DIPK2A: variants seen among roughly 807,000 people sequenced by gnomAD.
The protein encoded by DIPK2A is divergent protein kinase domain 2A, also known as Golgi Protein of 49 kDa.
Under a neutral mutation model 39.0 loss-of-function variants are expected in DIPK2A, and 27 were observed. That is an observed-to-expected ratio of 0.69 (90% CI 0.51 to 0.96). The LOEUF (loss-of-function observed/expected upper bound fraction) is 0.96, where lower values mean the gene tolerates loss of function less well. Among genes scored for constraint, DIPK2A ranks in the 40% least tolerant of loss-of-function variants. The probability of loss-of-function intolerance (pLI) is 0.00; values close to 1 mark genes in which losing one functional copy is unlikely to be tolerated. For missense variants in DIPK2A, 528 were observed against 571.3 expected (o/e 0.92, Z 0.77); for synonymous variants, 298 against 240.8 (o/e 1.24, Z -2.20).
rs1184898308 is a variant in DIPK2A, at chr3:143,972,255, C to G, written c.-78C>G. On this transcript the variant is annotated 5_prime_UTR_variant, in exon 1 of 3. Coordinates refer to ENST00000315691, the MANE Select transcript of DIPK2A (RefSeq NM_173552.5). ...TCCTTCTCTCGCCCGGGGTTCCTGC[C>G]GGTAGCTCTCCGGGTCTTGGCGCGG... is the stretch of plus-strand genomic sequence containing the variant. 1 of 1,279,872 alleles carries G rather than the reference C, an allele frequency of 7.8e-7. No individual in the cohort carries two copies. The highest frequency in any genetic ancestry group is 1.0e-6 in the Non-Finnish European group (1 of 997,674). 79.3% of individuals were successfully genotyped at this position (1,279,872 alleles called of 1,614,324 possible).
chr3:143,981,769 G>C (rs1576810000), intron 1 of DIPK2A, among the ~76,000 whole-genome samples: 1 of 152,170 alleles, frequency 6.6e-6, no homozygotes, highest in East Asian at 1.9e-4. Context: ...TGGCTTGAGG[G>C]AGGTTGTGTT....
At chr3:143,980,035 T>TA (rs1457071543) in intron 1 of DIPK2A, among the ~76,000 whole-genome samples, 1 of 152,200 alleles carries the variant, frequency 6.6e-6, no homozygotes, top group Non-Finnish European at 1.5e-5. Context: ...GCTAAGATCT[T>TA]AGAGAAATTT....
chr3:143,972,591 A>G lies in DIPK2A; in HGVS notation c.259A>G (p.Asn87Asp), dbSNP rs745409616. Residue 87 changes from asparagine to aspartate, a missense_variant, in exon 1 of 3, where the codon AAC becomes GAC. Around this residue, in one of 2 missense-constraint regions of DIPK2A, gnomAD observed 309 missense variants for 289.8 expected, o/e 1.07. Transcript: ENST00000315691. ...CCGCTTGCGCCTGCTGGACTTCCTC[A>G]ACGTGAAGAACGTGTACTTCGCGCA... Reference protein sequence around the residue: ...WGRLRLLDFLNVKNVYFAQYG... With the variant: ...WGRLRLLDFLDVKNVYFAQYG... 6.2e-7 allele frequency: 1 copy of G among 1,612,096 alleles called. No individual in the cohort carries two copies. The highest frequency in any genetic ancestry group is 8.5e-7 in the Non-Finnish European group (1 of 1,179,668).
At chr3:143,980,813 A>G (rs1213714452) in intron 1 of DIPK2A, among the ~76,000 whole-genome samples, 1 of 152,182 alleles carries the variant, frequency 6.6e-6, no homozygotes, top group Non-Finnish European at 1.5e-5. Flanking sequence ...CTCTTAAGGC[A>G]AACTGCAAAG....
At chr3:143,973,439 T>C in intron 1 of DIPK2A, 1 of 1,550,980 alleles carries the variant, frequency 6.4e-7, no homozygotes. Flanking sequence ...TTTCTGGCGC[T>C]GGTGGCTGGC....
At chr3:143,978,674 A>C (rs369201015) in intron 1 of DIPK2A, among the ~76,000 whole-genome samples, 6 of 43,242 alleles carry the variant, frequency 1.4e-4, no homozygotes, top group East Asian at 7.6e-4. Flanking sequence ...ATATAGATAT[A>C]TATATATCTA....
intron 1 of DIPK2A, among the ~76,000 whole-genome samples, chr3:143,975,422 G>T (rs573663863): frequency 4.6e-4 from 70 of 152,150 alleles, no homozygotes; most frequent in Admixed American, 1.1e-3. Context: ...AAAAGCTAGT[G>T]AATTTACAAG....
At chr3:143,980,743 C>G (rs1297329789) in intron 1 of DIPK2A, among the ~76,000 whole-genome samples, 4 of 151,470 alleles carry the variant, frequency 2.6e-5, no homozygotes, top group South Asian at 4.2e-4. Flanking sequence ...TAAGAACTTT[C>G]AAGTTTAACA....
At position 143,989,553 on chromosome 3, in the gene DIPK2A, T is replaced by C. The variant is rs1484687270; in HGVS notation, c.1005T>C (p.Asp335=). 1.2e-6 allele frequency: 2 copies of C among 1,614,170 alleles called. No homozygotes were observed. The highest frequency in any genetic ancestry group is 1.7e-6 in the Non-Finnish European group (2 of 1,179,980). Residue 335 remains aspartate (D), a synonymous_variant, in exon 3 of 3, where the codon GAT becomes GAC. Coordinates refer to ENST00000315691, the MANE Select transcript of DIPK2A (RefSeq NM_173552.5). Reference sequence around the variant, plus strand: ...ATGTATGGTATGAAAGCAAGTTTGATGACTGTGATAAGGAGGCTTGCTTAT... The same window carrying C: ...ATGTATGGTATGAAAGCAAGTTTGACGACTGTGATAAGGAGGCTTGCTTAT... The part of the protein sequence containing the change: ...NWDVWYESKF[D]DCDKEACLSF...
In DIPK2A at chr3:143,972,253, G is replaced by C; in HGVS notation, c.-80G>C. The C allele has an allele frequency of 7.8e-7, 1 of 1,276,268 alleles. No individual in the cohort carries two copies. 79.1% of individuals were successfully genotyped at this position (1,276,268 alleles called of 1,614,324 possible). A position where few individuals can be genotyped will look rare whatever the true frequency, so the allele number is the denominator to read the frequency against. ...GCTCCTTCTCTCGCCCGGGGTTCCT[G>C]CCGGTAGCTCTCCGGGTCTTGGCGC... On this transcript the variant is annotated 5_prime_UTR_variant, in exon 1 of 3. Transcript: ENST00000315691.
At chr3:143,981,543 A>C (rs562271160) in intron 1 of DIPK2A, among the ~76,000 whole-genome samples, 4 of 152,296 alleles carry the variant, frequency 2.6e-5, no homozygotes, top group Admixed American at 2.0e-4. Context: ...GAGATCACTT[A>C]GGTTAAATAA....
intron 1 of DIPK2A, among the ~76,000 whole-genome samples, chr3:143,982,910 C>A (rs10154892): frequency 0.083 from 12,605 of 151,322 alleles, 715 homozygotes; most frequent in East Asian, 0.24. Context: ...AAAAAAAACA[C>A]AAAAAAAACA....
Position 143,972,248 on chromosome 3 carries a change from T to C in DIPK2A, c.-85T>C. On this transcript the variant is annotated 5_prime_UTR_variant, in exon 1 of 3. Coordinates refer to ENST00000315691, the MANE Select transcript of DIPK2A (RefSeq NM_173552.5). Reference sequence around the variant, plus strand: ...CGCTAGCTCCTTCTCTCGCCCGGGGTTCCTGCCGGTAGCTCTCCGGGTCTT... The same window carrying C: ...CGCTAGCTCCTTCTCTCGCCCGGGGCTCCTGCCGGTAGCTCTCCGGGTCTT... 8.0e-7 allele frequency: 1 copy of C among 1,243,444 alleles called. No individual in the cohort carries two copies. Among genetic ancestry groups the C allele is most frequent in the Non-Finnish European group, 1.0e-6 (1 of 965,486 alleles). 77.0% of individuals were successfully genotyped at this position (1,243,444 alleles called of 1,614,324 possible). A position where few individuals can be genotyped will look rare whatever the true frequency, so the allele number is the denominator to read the frequency against.
chr3:143,980,106 C>T (rs1004854012), intron 1 of DIPK2A, among the ~76,000 whole-genome samples: 1 of 152,230 alleles, frequency 6.6e-6, no homozygotes, highest in Non-Finnish European at 1.5e-5. Flanking sequence ...CCCCTCCAGA[C>T]AGTTCACCAA....
At chr3:143,978,590 CTATCTATCTATCTATATATA>C (rs1450877704) in intron 1 of DIPK2A, 27 of 67,550 alleles carry the variant, frequency 4.0e-4, no homozygotes, top group African/African-American at 4.0e-3. Flanking sequence ...GTATCTATAT[CTATCTATCTATCTATATATA>C]TATATCTATA....
chr3:143,972,813 G>C lies in DIPK2A; in HGVS notation c.481G>C (p.Val161Leu), dbSNP rs1020683897. Reference protein sequence around the residue: ...GDVRLLTPEAVEGWSDLVHCP... With the variant: ...GDVRLLTPEALEGWSDLVHCP... ...CGTGCGTCTGCTCACGCCCGAGGCG[G>C]TGGAGGGCTGGTCGGACCTGGTGCA... Residue 161 changes from valine (V) to leucine (L), a missense_variant, in exon 1 of 3, where the codon GTG (valine) becomes CTG (leucine). By Grantham distance (32) the Val-to-Leu change is conservative. Coordinates refer to ENST00000315691, the MANE Select transcript of DIPK2A (RefSeq NM_173552.5). The C allele has an allele frequency of 6.4e-7, 1 of 1,564,586 alleles. No individual in the cohort carries two copies. Among genetic ancestry groups the C allele is most frequent in the African/African-American group, 1.3e-5 (1 of 74,316 alleles).
At chr3:143,981,568 A>G (rs1009788129) in intron 1 of DIPK2A, among the ~76,000 whole-genome samples, 1 of 152,152 alleles carries the variant, frequency 6.6e-6, no homozygotes, top group Non-Finnish European at 1.5e-5. Context: ...TCTTAACATT[A>G]TTTTTCCAGC....
At chr3:143,973,099 C>A (rs1230911526) in intron 1 of DIPK2A, 110 bp downstream of exon 1, 24 of 1,390,168 alleles carry the variant, frequency 1.7e-5, no homozygotes, top group Non-Finnish European at 1.9e-5. Context: ...CTCGGCCGGG[C>A]TGGGCCAGGC....
rs995576682 is a variant in DIPK2A at position 143,990,537 on chromosome 3, G to C, written c.*696G>C. 6.6e-6 allele frequency: 1 copy of C among 150,956 alleles called. No individual in the cohort carries two copies. The highest frequency in any genetic ancestry group is 1.5e-5 in the Non-Finnish European group (1 of 67,818). The allele number at this position is 150,956 out of a possible 1,614,324, so 9.4% of individuals were successfully genotyped here. On this transcript the variant is annotated 3_prime_UTR_variant, in exon 3 of 3. Transcript: ENST00000315691. ...TGGTGTCATTTCAGGTTATTTAACAGTTATATCCCTCTATGCCAATAATTA... is the reference window on the plus strand; with the variant it reads ...TGGTGTCATTTCAGGTTATTTAACACTTATATCCCTCTATGCCAATAATTA...
Sources: gnomAD v4.1 joint callset for allele counts (sites outside exome capture counted in the v4.1 genomes callset) on GRCh38, gnomAD v4.1.1 for gene constraint, gnomAD v4.1.1 regional missense constraint, MANE v1.5 for transcripts, NCBI Gene and HGNC (gene_info 2026-07-23, HGNC 2026-07-21) for gene names.